Variants in SLC44A3 observed in about 807,000 individuals in gnomAD.
The protein encoded by SLC44A3 is choline transporter-like protein 3.
A neutral mutation model predicts 75.4 loss-of-function variants in SLC44A3; 74 were observed. The ratio of observed to expected loss-of-function variants is 0.98; its 90% CI spans 0.81 to 1.19. The LOEUF is 1.19. Ranked by LOEUF, SLC44A3 falls within the 50% of genes most tolerant of loss-of-function variation. SLC44A3 has a pLI of 0.00. For synonymous variants in SLC44A3, 310 were observed against 296.9 expected (o/e 1.04, Z -0.45); for missense variants, 700 against 778.6 (o/e 0.90, Z 1.20).
intron 9 of SLC44A3, among the ~76,000 whole-genome samples, chr1:94,848,341 G>A (rs1383998635): frequency 6.6e-6 from 1 of 152,208 alleles, no homozygotes; most frequent in East Asian, 1.9e-4. Context: ...TGGGGCTGGA[G>A]GTTGACAGCT....
intron 3 of SLC44A3, 138 bp from the exon 4 acceptor site, chr1:94,827,369 A>T: frequency 9.1e-7 from 1 of 1,101,608 alleles, no homozygotes; most frequent in Non-Finnish European, 1.3e-6. Context: ...ATAAATGTTC[A>T]ATTATGCTGA....
chr1:94,821,146 T>A, intron 2 of SLC44A3, 90 bp downstream of exon 2: 1 of 1,009,214 alleles, frequency 9.9e-7, no homozygotes, highest in Non-Finnish European at 1.5e-6. Context: ...TAGTTGGTGC[T>A]GCAGTGAGAG....
At chr1:94,892,654 C>A in intron 14 of SLC44A3, 137 bp downstream of exon 14, 1 of 843,866 alleles carries the variant, frequency 1.2e-6, no homozygotes, top group Non-Finnish European at 1.9e-6. Flanking sequence ...ACCCCCGGGC[C>A]TGAAAGTGGG....
Position 94,821,071 on chromosome 1 carries a change from T to A in SLC44A3, c.135+15T>A, listed in dbSNP as rs1417531368. ...GGACTGGTTTGGTAAGTGTGGGTGC[T>A]TGGTAGGAAAGAGGCCAGAGTGTGT... On this transcript the variant is annotated intron_variant, in intron 2 of 14. Transcript: ENST00000271227. 6.5e-7 allele frequency: 1 copy of A among 1,546,424 alleles called. No homozygotes were observed. The highest frequency in any genetic ancestry group is 2.0e-5 in the Admixed American group (1 of 50,948).
At chr1:94,826,412 A>G (rs1661348849) in intron 3 of SLC44A3, among the ~76,000 whole-genome samples, 2 of 152,170 alleles carry the variant, frequency 1.3e-5, no homozygotes, top group South Asian at 4.1e-4. Flanking sequence ...AACAGTTTGG[A>G]AGGCCAAGGC....
chr1:94,847,705 A>T (rs1664594943), intron 9 of SLC44A3, among the ~76,000 whole-genome samples: 1 of 152,110 alleles, frequency 6.6e-6, no homozygotes, highest in African/African-American at 2.4e-5. Flanking sequence ...TCTGTACTGG[A>T]TGCTTTCTTA....
At chr1:94,847,103 A>G (rs947132) in intron 9 of SLC44A3, among the ~76,000 whole-genome samples, 36,718 of 151,960 alleles carry the variant, frequency 0.24, 4,818 homozygotes, top group African/African-American at 0.36. Context: ...ATTGGTCAAA[A>G]GGGTATAATC....
intron 12 of SLC44A3, among the ~76,000 whole-genome samples, chr1:94,879,011 G>C (rs1276713860): frequency 1.3e-5 from 2 of 152,244 alleles, no homozygotes; most frequent in Middle Eastern, 3.4e-3. Flanking sequence ...ATTGGATTTG[G>C]CAGTGATTGC....
intron 5 of SLC44A3, among the ~76,000 whole-genome samples, chr1:94,831,909 C>T (rs1662182657): frequency 6.6e-6 from 1 of 152,176 alleles, no homozygotes; most frequent in African/African-American, 2.4e-5. Context: ...CATAGTGGCT[C>T]ACATCTGTAA....
chr1:94,827,890 A>G (rs1661583525), intron 4 of SLC44A3, among the ~76,000 whole-genome samples: 1 of 152,176 alleles, frequency 6.6e-6, no homozygotes, highest in Admixed American at 6.5e-5. Flanking sequence ...ACTGCAGGGA[A>G]TGGTCATCCA....
At chr1:94,883,394 T>G (rs1252874692) in intron 12 of SLC44A3, among the ~76,000 whole-genome samples, 1 of 152,030 alleles carries the variant, frequency 6.6e-6, no homozygotes, top group East Asian at 1.9e-4. Context: ...TTCCAGCTAC[T>G]CGGGAGGCTG....
chr1:94,851,668 G>A (rs1355741198), intron 9 of SLC44A3, among the ~76,000 whole-genome samples: 1 of 152,224 alleles, frequency 6.6e-6, no homozygotes, highest in Non-Finnish European at 1.5e-5. Context: ...CTGTCAATGA[G>A]ATTTTCCTCT....
rs1329879913 is a variant in SLC44A3, at chr1:94,829,509, A to G, written c.509+923A>G. Among the ~76,000 whole-genome samples the G allele has an allele frequency of 2.6e-5, 4 of 152,204 alleles. No individual in the cohort carries two copies. In the South Asian group the frequency reaches 6.2e-4, roughly 24 times the overall value. ...TGTAAATTAGTGTACTACCTGGCAC[A>G]TGGTAGGCACCTTACAAATATTTGT... On this transcript the variant is annotated intron_variant, in intron 5 of 14. Transcript: ENST00000271227.
chr1:94,840,533 G>A (rs1041563322), intron 7 of SLC44A3, among the ~76,000 whole-genome samples: 1 of 151,754 alleles, frequency 6.6e-6, no homozygotes, highest in Admixed American at 6.6e-5. Context: ...CAAGCGATCC[G>A]CCCACCTTGG....
chr1:94,878,263 A>AC lies in SLC44A3; in HGVS notation c.1482+10846_1482+10847insC, dbSNP rs1193047732. ...AAAACCAAAACAAACAAACAAACAAAAAAAAAACAGAGAAACTTGGTTGGG... is the reference window on the plus strand; with the variant it reads ...AAAACCAAAACAAACAAACAAACAAACAAAAAAACAGAGAAACTTGGTTGGG... On this transcript the variant is annotated intron_variant, in intron 12 of 14. Transcript: ENST00000271227. Among the ~76,000 whole-genome samples, 12 of 151,864 alleles carry AC rather than the reference A, an allele frequency of 7.9e-5. 1 individual carries two copies. The highest frequency in any genetic ancestry group is 5.9e-4 in the Admixed American group (9 of 15,246).
At chr1:94,882,371 C>T (rs577899790) in intron 12 of SLC44A3, among the ~76,000 whole-genome samples, 1 of 152,118 alleles carries the variant, frequency 6.6e-6, no homozygotes, top group Admixed American at 6.6e-5. Flanking sequence ...TAGGGACGAG[C>T]CCATCTATGT....
chr1:94,837,939 T>C, intron 6 of SLC44A3, 68 bp downstream of exon 6: 2 of 1,329,558 alleles, frequency 1.5e-6, no homozygotes, highest in Non-Finnish European at 2.0e-6. Context: ...ATTTTATATG[T>C]TGTACAATGA....
In SLC44A3 at chr1:94,841,996, C is replaced by T. The variant is rs1277098812; in HGVS notation, c.761-4C>T. 6.2e-7 allele frequency: 1 copy of T among 1,607,806 alleles called. No individual in the cohort carries two copies. The highest frequency in any genetic ancestry group is 1.1e-5 in the South Asian group (1 of 89,942). On this transcript the variant is annotated splice_polypyrimidine_tract_variant and splice_region_variant and intron_variant, in intron 7 of 14. Coordinates refer to ENST00000271227, the MANE Select transcript of SLC44A3 (RefSeq NM_001114106.3). ...CTGAGCTCTGCTACTGTTCTCTTTT[C>T]TAGTTGTCTGCGGTGTTTTATGGTG...
chr1:94,870,278 A>AC lies in SLC44A3; in HGVS notation c.1482+2863dup, dbSNP rs371141637. Among the ~76,000 whole-genome samples the AC allele has an allele frequency of 4.6e-5, 7 of 152,352 alleles. 1 individual carries two copies. Among genetic ancestry groups the AC allele is most frequent in the African/African-American group, 1.4e-4 (6 of 41,586 alleles). Reference sequence around the variant, plus strand: ...CTATTTCTACCTGGGCATAATAGGGACCAGGACCATGGTGATACAGAGGTG... The same window carrying AC: ...CTATTTCTACCTGGGCATAATAGGGACCCAGGACCATGGTGATACAGAGGTG... On this transcript the variant is annotated intron_variant, in intron 12 of 14. Transcript: ENST00000271227.
Sources: gnomAD v4.1 joint callset for allele counts (sites outside exome capture counted in the v4.1 genomes callset) on GRCh38, gnomAD v4.1.1 for gene constraint, MANE v1.5 for transcripts, NCBI Gene and HGNC (gene_info 2026-07-23, HGNC 2026-07-21) for gene names.